APP: variants seen among roughly 807,000 people sequenced by gnomAD.
APP encodes the protein amyloid beta precursor protein.
APP carries 31 observed loss-of-function variants against 101.4 expected under a neutral mutation model. The ratio of observed to expected loss-of-function variants is 0.31; its 90% CI spans 0.23 to 0.41. The LOEUF (loss-of-function observed/expected upper bound fraction) is 0.41. Ranked by LOEUF, APP falls within the 10% of genes least tolerant of loss-of-function variation. The pLI, the probability that APP is intolerant of heterozygous loss-of-function variation, is 1.00. For synonymous variants in APP, 366 were observed against 364.4 expected (o/e 1.00, Z -0.05); for missense variants, 839 against 1,003.7 (o/e 0.84, Z 2.22).
chr21:25,939,121 G>C (rs2040472304), intron 13 of APP, among the ~76,000 whole-genome samples: 1 of 152,162 alleles, frequency 6.6e-6, no homozygotes, highest in Non-Finnish European at 1.5e-5. Context: ...TTCTGATTTT[G>C]ATCAAGCCAC....
intron 1 of APP, among the ~76,000 whole-genome samples, chr21:26,130,097 G>A (rs571905972): frequency 1.8e-4 from 28 of 152,234 alleles, no homozygotes; most frequent in African/African-American, 6.5e-4. Flanking sequence ...ATAAAATGTT[G>A]AGCATCACAC....
chr21:26,003,060 G>C (rs1021964308), intron 6 of APP, among the ~76,000 whole-genome samples: 2 of 152,132 alleles, frequency 1.3e-5, no homozygotes, highest in African/African-American at 4.8e-5. Context: ...AATCTAAATG[G>C]CATTATATTA....
chr21:26,129,186 G>C (rs551671010), intron 1 of APP, among the ~76,000 whole-genome samples: 2 of 152,086 alleles, frequency 1.3e-5, no homozygotes, highest in Non-Finnish European at 2.9e-5. Flanking sequence ...AAAATTCCAG[G>C]TCTTGGACAG....
intron 3 of APP, among the ~76,000 whole-genome samples, chr21:26,073,864 G>A (rs988082816): frequency 6.6e-6 from 1 of 152,076 alleles, no homozygotes; most frequent in African/African-American, 2.4e-5. Flanking sequence ...GTACAACAGG[G>A]TAACTTCTTG....
intron 13 of APP, among the ~76,000 whole-genome samples, chr21:25,927,289 A>T (rs1401519782): frequency 6.6e-6 from 1 of 151,832 alleles, no homozygotes; most frequent in African/African-American, 2.4e-5. Context: ...ACACTCTCCC[A>T]AGTCTTTAGG....
chr21:26,167,331 A>G (rs181192869), intron 1 of APP, among the ~76,000 whole-genome samples: 273 of 152,340 alleles, frequency 1.8e-3, no homozygotes, highest in Non-Finnish European at 1.8e-3. Flanking sequence ...CTTTAAATTT[A>G]AAATGCATCT....
intron 17 of APP, among the ~76,000 whole-genome samples, chr21:25,887,991 CTG>C (rs767993879): frequency 2.6e-5 from 4 of 152,030 alleles, no homozygotes; most frequent in African/African-American, 7.3e-5. Flanking sequence ...GTTCCTATCT[CTG>C]TGATCTTCTG....
intron 13 of APP, among the ~76,000 whole-genome samples, chr21:25,948,734 G>A (rs533777266): frequency 3.3e-5 from 5 of 152,288 alleles, no homozygotes; most frequent in African/African-American, 1.2e-4. Flanking sequence ...AGCACACTTT[G>A]ATAAATAACC....
chr21:26,087,545 G>A (rs938999037), intron 3 of APP, among the ~76,000 whole-genome samples: 6 of 152,186 alleles, frequency 3.9e-5, no homozygotes, highest in Non-Finnish European at 1.5e-5. Flanking sequence ...CTGTTCGGAG[G>A]ATGAAAGAGA....
At chr21:26,135,355 A>C (rs2062874289) in intron 1 of APP, among the ~76,000 whole-genome samples, 1 of 152,228 alleles carries the variant, frequency 6.6e-6, no homozygotes, top group African/African-American at 2.4e-5. Flanking sequence ...GACTTCTATA[A>C]CTTAAAGATA....
chr21:26,064,893 G>C (rs771055213), intron 3 of APP, among the ~76,000 whole-genome samples: 1 of 152,030 alleles, frequency 6.6e-6, no homozygotes, highest in African/African-American at 2.4e-5. Flanking sequence ...TCATTCTGTC[G>C]CCCAGGCTGG....
chr21:25,963,632 C>T (rs1297002452), intron 11 of APP, among the ~76,000 whole-genome samples: 1 of 152,316 alleles, frequency 6.6e-6, no homozygotes, highest in Admixed American at 6.5e-5. Flanking sequence ...CACAGTTTTA[C>T]ACCCTGGATT....
intron 13 of APP, among the ~76,000 whole-genome samples, chr21:25,930,033 T>C (rs887332650): frequency 2.0e-5 from 3 of 152,174 alleles, no homozygotes; most frequent in Non-Finnish European, 4.4e-5. Context: ...ACAGGAGACA[T>C]GGCTTGTCCA....
At chr21:26,107,722 C>T (rs1245778091) in intron 2 of APP, among the ~76,000 whole-genome samples, 1 of 152,014 alleles carries the variant, frequency 6.6e-6, no homozygotes, top group Non-Finnish European at 1.5e-5. Context: ...GTAGCTGACC[C>T]TTTGTGACCC....
rs1026226325 is a variant in APP, at chr21:25,897,827, A to T, written c.1964-154T>A. ...CTCTTAAAGAAAAATGATACCCTAT[A>T]TTTAAAACTTCAATTACTACCTATT... is the stretch of plus-strand genomic sequence containing the variant. On this transcript the variant is annotated intron_variant, in intron 15 of 17. Coordinates refer to ENST00000346798, the MANE Select transcript of APP (RefSeq NM_000484.4). 4 of 662,380 alleles carry T rather than the reference A, an allele frequency of 6.0e-6. No homozygotes were observed. In the Admixed American group the frequency reaches 7.8e-5, roughly 13 times the overall value. The allele number at this position is 662,380 out of a possible 1,614,324, so 41.0% of individuals were successfully genotyped here.
At chr21:26,136,195 AAGAAAG>A (rs1463557684) in intron 1 of APP, among the ~76,000 whole-genome samples, 1 of 93,520 alleles carries the variant, frequency 1.1e-5, no homozygotes, top group Non-Finnish European at 1.9e-5. Context: ...GAAAGAAAGA[AAGAAAG>A]AAAAGAAAAG....
intron 1 of APP, among the ~76,000 whole-genome samples, chr21:26,144,056 G>C (rs1021441409): frequency 1.3e-5 from 2 of 152,094 alleles, no homozygotes; most frequent in Non-Finnish European, 2.9e-5. Flanking sequence ...AGACGGGGAG[G>C]CAAACACGTC....
intron 11 of APP, among the ~76,000 whole-genome samples, chr21:25,963,841 T>C (rs1470552369): frequency 6.6e-6 from 1 of 152,186 alleles, no homozygotes; most frequent in Non-Finnish European, 1.5e-5. Flanking sequence ...TAAAGTCTCC[T>C]GCAAAATTTA....
At chr21:26,101,011 C>CCCTAGCT (rs1424766068) in intron 2 of APP, among the ~76,000 whole-genome samples, 17 of 152,144 alleles carry the variant, frequency 1.1e-4, no homozygotes, top group African/African-American at 4.1e-4. Context: ...AGACCCTAGC[C>CCCTAGCT]CCTAGCTCCA....
Sources: gnomAD v4.1 joint callset for allele counts (sites outside exome capture counted in the v4.1 genomes callset) on GRCh38, gnomAD v4.1.1 for gene constraint, MANE v1.5 for transcripts, NCBI Gene and HGNC (gene_info 2026-07-23, HGNC 2026-07-21) for gene names.